KIF26B: variants seen among roughly 807,000 people sequenced by gnomAD.
KIF26B encodes the protein kinesin family member 26B, also known as kinesin-like protein KIF26B.
In KIF26B, 63 loss-of-function variants were observed where a neutral mutation model predicts 151.2. The ratio of observed to expected loss-of-function variants is 0.42; its 90% CI spans 0.34 to 0.51. The LOEUF (loss-of-function observed/expected upper bound fraction) is 0.51. KIF26B is among the 20% of genes least tolerant of loss of function. The pLI is 0.07. For synonymous variants in KIF26B, 1,357 were observed against 1,262.1 expected (o/e 1.08, Z -1.59); for missense variants, 2,813 against 2,913.6 (o/e 0.97, Z 0.79).
At chr1:245,302,399 C>T (rs1473297679) in intron 2 of KIF26B, among the ~76,000 whole-genome samples, 8 of 152,154 alleles carry the variant, frequency 5.3e-5, no homozygotes, top group Non-Finnish European at 7.3e-5. Flanking sequence ...ATAGTTGTGC[C>T]GTGCACATAC....
chr1:245,366,712 CCAAT>C, intron 2 of KIF26B, 118 bp from the exon 3 acceptor site: 2 of 869,330 alleles, frequency 2.3e-6, no homozygotes, highest in Non-Finnish European at 3.5e-6. Flanking sequence ...CTGTGGAATG[CCAAT>C]CAAACTATCC....
At chr1:245,265,239 G>A (rs576452381) in intron 2 of KIF26B, among the ~76,000 whole-genome samples, 4 of 149,846 alleles carry the variant, frequency 2.7e-5, no homozygotes, top group African/African-American at 9.8e-5. Context: ...GAAATACGGA[G>A]AGACTTATTA....
intron 2 of KIF26B, among the ~76,000 whole-genome samples, chr1:245,306,028 A>G (rs537234370): frequency 1.3e-5 from 2 of 152,230 alleles, no homozygotes; most frequent in South Asian, 2.1e-4. Flanking sequence ...GTTAAACACA[A>G]TGTTATCATA....
chr1:245,465,892 G>T (rs1659778302), intron 4 of KIF26B, among the ~76,000 whole-genome samples: 2 of 152,156 alleles, frequency 1.3e-5, no homozygotes, highest in African/African-American at 2.4e-5. Context: ...CTCCTTCTGC[G>T]CTCTCCAAGG....
chr1:245,345,986 G>A (rs1337354917), intron 2 of KIF26B, among the ~76,000 whole-genome samples: 3 of 144,338 alleles, frequency 2.1e-5, no homozygotes, highest in African/African-American at 2.7e-5. Context: ...AGGCTGAAGT[G>A]CAGTGGCATG....
At chr1:245,256,054 C>G (rs937721501) in intron 2 of KIF26B, among the ~76,000 whole-genome samples, 1 of 152,146 alleles carries the variant, frequency 6.6e-6, no homozygotes, top group African/African-American at 2.4e-5. Context: ...CTTTGGTGTT[C>G]TGCTGCTTAC....
At chr1:245,431,996 C>G (rs558335441) in intron 4 of KIF26B, among the ~76,000 whole-genome samples, 13 of 152,052 alleles carry the variant, frequency 8.5e-5, no homozygotes, top group Non-Finnish European at 1.0e-4. Context: ...ATTCCCTCCC[C>G]CTAGGCTTTG....
intron 2 of KIF26B, among the ~76,000 whole-genome samples, chr1:245,238,692 C>T (rs1283791662): frequency 6.6e-6 from 1 of 152,030 alleles, no homozygotes; most frequent in East Asian, 1.9e-4. Flanking sequence ...AAAACCCCAT[C>T]TCTACTAAAA....
chr1:245,217,008 G>T (rs1356111024), intron 2 of KIF26B, among the ~76,000 whole-genome samples: 1 of 152,188 alleles, frequency 6.6e-6, no homozygotes, highest in African/African-American at 2.4e-5. Context: ...AGCTCCCTTT[G>T]TTGCTTCCTG....
chr1:245,693,294 G>A (rs2044650149), intron 12 of KIF26B, among the ~76,000 whole-genome samples: 1 of 152,192 alleles, frequency 6.6e-6, no homozygotes, highest in South Asian at 2.1e-4. Flanking sequence ...AGGGAAGCAT[G>A]GAGGTTCTGG....
At chr1:245,305,372 T>C (rs1344360729) in intron 2 of KIF26B, among the ~76,000 whole-genome samples, 1 of 152,128 alleles carries the variant, frequency 6.6e-6, no homozygotes, top group Non-Finnish European at 1.5e-5. Context: ...ACCCAGAATA[T>C]ATGAAAGACT....
chr1:245,646,027 A>G (rs1278424245), intron 9 of KIF26B, 94 bp from the exon 10 acceptor site: 2 of 1,363,644 alleles, frequency 1.5e-6, no homozygotes, highest in Admixed American at 2.2e-5. Context: ...TCCCCTTCTC[A>G]TTTTGCCTCA....
chr1:245,687,023 G>A lies in KIF26B; in HGVS notation c.4040G>A (p.Gly1347Glu), dbSNP rs760140713. Reference protein sequence around the residue: ...PDNLLILSEMGDDSFNKAAPI... With the variant: ...PDNLLILSEMEDDSFNKAAPI... Reference sequence around the variant, plus strand: ...AACTTGCTCATCCTGTCTGAGATGGGAGATGACTCTTTCAACAAAGCAGCC... The same window carrying A: ...AACTTGCTCATCCTGTCTGAGATGGAAGATGACTCTTTCAACAAAGCAGCC... The change falls in exon 12 of 15, where the codon GGA becomes GAA. Residue 1347 changes from glycine to glutamate, a missense_variant. This residue lies in a region of KIF26B where 2,060 missense variants were observed against 2,088.6 expected (regional missense o/e 0.99). Transcript: ENST00000407071. This position sits in a 1 kb window ranked among gnomAD's most constrained non-coding sequence, Gnocchi z 4.9. 1.9e-6 allele frequency: 3 copies of A among 1,613,518 alleles called. No individual in the cohort carries two copies. Among genetic ancestry groups the A allele is most frequent in the Non-Finnish European group, 1.7e-6 (2 of 1,179,806 alleles).
At chr1:245,541,077 T>A (rs912470873) in intron 5 of KIF26B, 127 bp downstream of exon 5, 8 of 766,406 alleles carry the variant, frequency 1.0e-5, no homozygotes, top group Non-Finnish European at 1.6e-5. Context: ...GGAGGCAAGA[T>A]GAAATTCATT....
chr1:245,203,190 T>C (rs1314009948), intron 2 of KIF26B, among the ~76,000 whole-genome samples: 1 of 140,156 alleles, frequency 7.1e-6, no homozygotes, highest in Non-Finnish European at 1.5e-5. Flanking sequence ...GAGGTTTCAG[T>C]GAGCCGAGAC....
intron 2 of KIF26B, among the ~76,000 whole-genome samples, chr1:245,306,938 A>G (rs1671566545): frequency 6.6e-6 from 1 of 152,206 alleles, no homozygotes; most frequent in Non-Finnish European, 1.5e-5. Context: ...ACTGGATAGA[A>G]TGAATGGGTT....
chr1:245,223,718 C>T (rs756263046), intron 2 of KIF26B, among the ~76,000 whole-genome samples: 11 of 152,230 alleles, frequency 7.2e-5, no homozygotes, highest in Non-Finnish European at 1.5e-4. Flanking sequence ...GGTTCTCCAA[C>T]ACTCCTTCAG....
intron 10 of KIF26B, among the ~76,000 whole-genome samples, chr1:245,656,010 T>C (rs1203648130): frequency 6.6e-6 from 1 of 152,224 alleles, no homozygotes; most frequent in African/African-American, 2.4e-5. Flanking sequence ...TAAGCCTAAT[T>C]GAGGTCACCA....
At chr1:245,458,079 C>T (rs1005022908) in intron 4 of KIF26B, among the ~76,000 whole-genome samples, 1 of 152,168 alleles carries the variant, frequency 6.6e-6, no homozygotes, top group Admixed American at 6.5e-5. Flanking sequence ...CAGGAACTGT[C>T]CTAAGGGTTT....
Sources: gnomAD v4.1 joint callset for allele counts (sites outside exome capture counted in the v4.1 genomes callset) on GRCh38, gnomAD v4.1.1 for gene constraint, gnomAD v4.1.1 regional missense constraint, Gnocchi (gnomAD v3.1) non-coding constraint, MANE v1.5 for transcripts, NCBI Gene and HGNC (gene_info 2026-07-23, HGNC 2026-07-21) for gene names.